Variants in DNAJC16 observed in about 807,000 individuals in gnomAD.
DNAJC16 encodes the protein DnaJ heat shock protein family (Hsp40) member C16.
DNAJC16 carries 76 observed loss-of-function variants against 92.7 expected under a neutral mutation model. The ratio of observed to expected loss-of-function variants is 0.82; its 90% confidence interval spans 0.68 to 0.99. The LOEUF is 0.99. Among genes scored for constraint, DNAJC16 ranks in the 50% least tolerant of loss-of-function variants. The probability of loss-of-function intolerance (pLI) is 0.00; values close to 1 mark genes in which losing one functional copy is unlikely to be tolerated. For missense variants in DNAJC16, 869 were observed against 942.4 expected (o/e 0.92, Z 1.02); for synonymous variants, 328 against 358.7 (o/e 0.91, Z 0.97).
At chr1:15,546,944 T>C in intron 6 of DNAJC16, 73 bp downstream of exon 6, 1 of 1,157,846 alleles carries the variant, frequency 8.6e-7, no homozygotes, top group South Asian at 1.4e-5. Context: ...TAGCAGAAAG[T>C]AATCTCTGAG....
chr1:15,543,034 A>T (rs982824000), intron 4 of DNAJC16, among the ~76,000 whole-genome samples: 2 of 152,212 alleles, frequency 1.3e-5, no homozygotes, highest in Non-Finnish European at 2.9e-5. Flanking sequence ...AATGAATTAA[A>T]TAGATTGATG....
chr1:15,543,487 G>A (rs561353337), intron 4 of DNAJC16, among the ~76,000 whole-genome samples: 1 of 152,188 alleles, frequency 6.6e-6, no homozygotes, highest in Non-Finnish European at 1.5e-5. Context: ...GGAACCAGGG[G>A]CCAAACACAA....
chr1:15,536,048 ATTTCT>A (rs199841857), intron 3 of DNAJC16, among the ~76,000 whole-genome samples: 146 of 132,422 alleles, frequency 1.1e-3, no homozygotes, highest in South Asian at 4.6e-3. Context: ...TAATTTTTAC[ATTTCT>A]TTTCTTTTCT....
intron 4 of DNAJC16, among the ~76,000 whole-genome samples, chr1:15,539,863 G>A (rs1052852660): frequency 1.3e-4 from 20 of 151,254 alleles, no homozygotes; most frequent in Middle Eastern, 3.5e-3. Context: ...TCCCGTCTGT[G>A]CTGAAAATAC....
At chr1:15,564,975 C>T (rs1027808609) in intron 11 of DNAJC16, among the ~76,000 whole-genome samples, 8 of 151,978 alleles carry the variant, frequency 5.3e-5, no homozygotes, top group Admixed American at 5.2e-4. Context: ...GCTGAGATTA[C>T]AGGCACCCAC....
At chr1:15,549,223 A>C (rs1250427882) in intron 7 of DNAJC16, among the ~76,000 whole-genome samples, 1 of 152,230 alleles carries the variant, frequency 6.6e-6, no homozygotes, top group Non-Finnish European at 1.5e-5. Context: ...GTTTAGAAAG[A>C]TAAGAACTTT....
intron 1 of DNAJC16, 97 bp from the exon 2 acceptor site, chr1:15,528,991 G>A: frequency 8.5e-6 from 9 of 1,060,804 alleles, no homozygotes; most frequent in South Asian, 2.0e-5. Flanking sequence ...CCTTTTGTTG[G>A]TTTTGTTTTT....
rs150485230 is a variant in DNAJC16 at position 15,548,417 on chromosome 1, G to T, written c.1012G>T (p.Asp338Tyr). The change falls in exon 7 of 15, where the codon GAT (aspartate) becomes TAT (tyrosine). Residue 338 changes from aspartate to tyrosine, a missense_variant. Coordinates refer to ENST00000375847, the MANE Select transcript of DNAJC16 (RefSeq NM_015291.4). ...TAAAGAACATATAAACAGGCCTGCC[G>T]ATGTTATCCAGGTACGTGAGGGTCA... ...VFKEHINRPADVIQARGMKKQ... is the reference protein window; with the variant it reads ...VFKEHINRPAYVIQARGMKKQ... The T allele has an allele frequency of 5.6e-5, 90 of 1,611,352 alleles. No individual in the cohort carries two copies. The highest frequency in any genetic ancestry group is 7.2e-5 in the Non-Finnish European group (85 of 1,178,674).
At position 15,559,541 on chromosome 1, in the gene DNAJC16, A is replaced by C; in HGVS notation, c.1039A>C (p.Lys347Gln). 6.2e-7 allele frequency: 1 copy of C among 1,614,094 alleles called. No homozygotes were observed. The highest frequency in any genetic ancestry group is 8.5e-7 in the Non-Finnish European group (1 of 1,179,980). The change falls in exon 8 of 15, where the codon AAG becomes CAG. Residue 347 changes from lysine (K) to glutamine (Q), a missense_variant. Physicochemically the swap from Lys to Gln is moderately conservative, Grantham distance 53. Transcript: ENST00000375847. ...ADVIQARGMK[K>Q]QIIDDFITRN... is the part of the protein sequence containing the mutation. ...TTTTCTCTAGGCCCGAGGTATGAAGAAGCAAATCATTGACGACTTCATCAC... is the reference window on the plus strand; with the variant it reads ...TTTTCTCTAGGCCCGAGGTATGAAGCAGCAAATCATTGACGACTTCATCAC...
intron 6 of DNAJC16, 39 bp downstream of exon 6, chr1:15,546,910 CTTTTCTT>C (rs1570912701): frequency 1.9e-6 from 2 of 1,034,736 alleles, no homozygotes; most frequent in Admixed American, 3.6e-5. Flanking sequence ...TTTTTCTTTT[CTTTTCTT>C]TTTTTTTTTT....
chr1:15,548,227 T>C, intron 6 of DNAJC16, 43 bp from the exon 7 acceptor site: 1 of 1,599,702 alleles, frequency 6.3e-7, no homozygotes, highest in Non-Finnish European at 8.5e-7. Context: ...ATTTACATCT[T>C]TGCTGTAGTT....
rs1023571191 is a variant in DNAJC16, at chr1:15,566,913, G to A, written c.1779-186G>A. 3.4e-5 allele frequency: 17 copies of A among 503,370 alleles called. No individual in the cohort carries two copies. In the Admixed American group the frequency reaches 5.4e-4, roughly 16 times the overall value. The allele number at this position is 503,370 out of a possible 1,614,324, so 31.2% of individuals were successfully genotyped here. A position where few individuals can be genotyped will look rare whatever the true frequency, so the allele number is the denominator to read the frequency against. The stretch of plus-strand genomic sequence containing the variant: ...AGAAAAAGAAAAGCAGCACAGAAAG[G>A]CTGTTTGTAGGTCAGGGATTACCAA... On this transcript the variant is annotated intron_variant, in intron 13 of 14. Coordinates refer to ENST00000375847, the MANE Select transcript of DNAJC16 (RefSeq NM_015291.4).
chr1:15,544,296 A>G (rs539057853), intron 4 of DNAJC16, 103 bp from the exon 5 acceptor site: 47 of 1,149,850 alleles, frequency 4.1e-5, no homozygotes, highest in Middle Eastern at 3.0e-4. Context: ...GACATCTCCT[A>G]TGAGGTCGGG....
chr1:15,552,727 A>G (rs1638474093), intron 7 of DNAJC16, among the ~76,000 whole-genome samples: 1 of 150,270 alleles, frequency 6.7e-6, no homozygotes, highest in South Asian at 2.1e-4. Context: ...TGCCCTCATT[A>G]TGATATGCCT....
intron 2 of DNAJC16, among the ~76,000 whole-genome samples, chr1:15,530,693 C>T (rs1710634689): frequency 6.6e-6 from 1 of 152,010 alleles, no homozygotes; most frequent in African/African-American, 2.4e-5. Flanking sequence ...ATATCAGTAT[C>T]TCTTTTTTTT....
At chr1:15,541,249 A>C (rs1481159455) in intron 4 of DNAJC16, among the ~76,000 whole-genome samples, 2 of 152,118 alleles carry the variant, frequency 1.3e-5, no homozygotes, top group Non-Finnish European at 2.9e-5. Context: ...CAAATCTCCC[A>C]ATGTATGTGC....
At position 15,568,922 on chromosome 1, in the gene DNAJC16, G is replaced by A; in HGVS notation, c.*745G>A. The A allele has an allele frequency of 2.6e-6, 1 of 387,876 alleles. No individual in the cohort carries two copies. Among genetic ancestry groups the A allele is most frequent in the East Asian group, 3.7e-5 (1 of 27,374 alleles). The allele number at this position is 387,876 out of a possible 1,614,324, so 24.0% of individuals were successfully genotyped here. On this transcript the variant is annotated 3_prime_UTR_variant, in exon 15 of 15. Transcript: ENST00000375847. Reference sequence around the variant, plus strand: ...GCCCCAGCGCTGCTGGTAGCCAGGGGAGGGGTCTGCACAGCGAGAAGTACT... The same window carrying A: ...GCCCCAGCGCTGCTGGTAGCCAGGGAAGGGGTCTGCACAGCGAGAAGTACT...
chr1:15,555,681 CAAAAAAAAAA>C (rs937939468), intron 7 of DNAJC16, among the ~76,000 whole-genome samples: 865 of 51,602 alleles, frequency 0.017, 3 homozygotes, highest in Non-Finnish European at 0.027. Context: ...GACTCCGTCT[CAAAAAAAAAA>C]AAAAAAAAAG....
At position 15,571,498 on chromosome 1, in the gene DNAJC16, G is replaced by C. The variant is rs184236199; in HGVS notation, c.*3321G>C. ...AGTGTGGCAGCTGCTGAATCTGTCT[G>C]TTCAGTTTGTCAAGGAGGATAATTA... On this transcript the variant is annotated 3_prime_UTR_variant, in exon 15 of 15. Transcript: ENST00000375847. The C allele has an allele frequency of 6.5e-6, 1 of 152,726 alleles. No homozygotes were observed. Among genetic ancestry groups the C allele is most frequent in the African/African-American group, 2.4e-5 (1 of 41,562 alleles). The allele number at this position is 152,726 out of a possible 1,614,324, so 9.5% of individuals were successfully genotyped here.
Sources: gnomAD v4.1 joint callset for allele counts (sites outside exome capture counted in the v4.1 genomes callset) on GRCh38, gnomAD v4.1.1 for gene constraint, MANE v1.5 for transcripts, NCBI Gene and HGNC (gene_info 2026-07-23, HGNC 2026-07-21) for gene names.